Variants in ZDHHC14 observed in about 807,000 individuals in gnomAD.
The protein encoded by ZDHHC14 is zDHHC palmitoyltransferase 14.
Under a neutral mutation model 47.7 loss-of-function variants are expected in ZDHHC14, and 16 were observed. The observed-to-expected ratio is 0.34, with a 90% CI of 0.23 to 0.51. The LOEUF is 0.51. ZDHHC14 is among the 20% of genes least tolerant of loss of function. ZDHHC14 has a pLI of 0.97. For missense variants in ZDHHC14, 515 were observed against 662.5 expected (o/e 0.78, Z 2.44); for synonymous variants, 293 against 278.9 (o/e 1.05, Z -0.50).
At chr6:157,647,462 C>T (rs1243516360) in intron 7 of ZDHHC14, 94 bp downstream of exon 7, 6 of 867,536 alleles carry the variant, frequency 6.9e-6, no homozygotes, top group African/African-American at 1.7e-5. Flanking sequence ...TGGAATGGGT[C>T]GCCGCCACCA....
At chr6:157,545,081 G>A (rs1300005751) in intron 2 of ZDHHC14, among the ~76,000 whole-genome samples, 1 of 152,218 alleles carries the variant, frequency 6.6e-6, no homozygotes, top group Non-Finnish European at 1.5e-5. Context: ...CATTTGCTAA[G>A]GGAAAGAAGC....
chr6:157,570,357 T>C (rs1783051298), intron 2 of ZDHHC14, among the ~76,000 whole-genome samples: 1 of 152,252 alleles, frequency 6.6e-6, no homozygotes. Flanking sequence ...AATTGATCTC[T>C]ATCACTGTAC....
intron 3 of ZDHHC14, among the ~76,000 whole-genome samples, chr6:157,627,783 T>C (rs1449854016): frequency 6.6e-6 from 1 of 152,218 alleles, no homozygotes; most frequent in Admixed American, 6.5e-5. Flanking sequence ...GGTAACACCA[T>C]CGTTTTCTTC....
chr6:157,491,412 C>T (rs1235360777), intron 1 of ZDHHC14, among the ~76,000 whole-genome samples: 15 of 152,064 alleles, frequency 9.9e-5, no homozygotes, highest in Admixed American at 6.5e-4. Context: ...CACTGCTTTG[C>T]GTATAGTGGG....
chr6:157,642,249 C>G (rs991583101), intron 5 of ZDHHC14, among the ~76,000 whole-genome samples: 4 of 152,160 alleles, frequency 2.6e-5, no homozygotes, highest in African/African-American at 7.2e-5. Flanking sequence ...CAAATACTGA[C>G]GCATCCTAAC....
intron 2 of ZDHHC14, among the ~76,000 whole-genome samples, chr6:157,580,736 T>TGTGTG (rs372683275): frequency 0.085 from 11,722 of 138,128 alleles, 494 homozygotes; most frequent in African/African-American, 0.11. Context: ...GTGTGTGTGT[T>TGTGTG]TTTTTCTTTG....
chr6:157,417,505 G>A (rs1778007290), intron 1 of ZDHHC14, among the ~76,000 whole-genome samples: 1 of 152,160 alleles, frequency 6.6e-6, no homozygotes, highest in Non-Finnish European at 1.5e-5. Flanking sequence ...CAGCCAGGAT[G>A]GACTTTTGGG....
intron 1 of ZDHHC14, among the ~76,000 whole-genome samples, chr6:157,446,279 C>G (rs1220398807): frequency 1.3e-5 from 2 of 152,176 alleles, no homozygotes; most frequent in African/African-American, 4.8e-5. Flanking sequence ...GCCATTTGCC[C>G]CTCTCGAGCC....
At chr6:157,569,362 T>C (rs1306754056) in intron 2 of ZDHHC14, among the ~76,000 whole-genome samples, 3 of 152,054 alleles carry the variant, frequency 2.0e-5, no homozygotes, top group Non-Finnish European at 2.9e-5. Flanking sequence ...TTTTGTTTAT[T>C]TGTAATAAAT....
At chr6:157,509,281 C>T (rs373961866) in intron 1 of ZDHHC14, among the ~76,000 whole-genome samples, 8 of 152,314 alleles carry the variant, frequency 5.3e-5, no homozygotes, top group African/African-American at 1.7e-4. Context: ...ACCTTAGGAG[C>T]ATCTGCAGAG....
chr6:157,645,063 T>C (rs139959198), intron 5 of ZDHHC14, among the ~76,000 whole-genome samples: 4,751 of 152,166 alleles, frequency 0.031, 255 homozygotes, highest in African/African-American at 0.11. Context: ...GATGGCCTTA[T>C]AGGTCAGGGG....
chr6:157,450,470 G>C (rs1472135550), intron 1 of ZDHHC14, among the ~76,000 whole-genome samples: 1 of 149,298 alleles, frequency 6.7e-6, no homozygotes, highest in Non-Finnish European at 1.5e-5. Context: ...AGCCGAGATC[G>C]CGCCACTGCA....
At chr6:157,560,174 T>C (rs1263127196) in intron 2 of ZDHHC14, among the ~76,000 whole-genome samples, 1 of 151,974 alleles carries the variant, frequency 6.6e-6, no homozygotes, top group Non-Finnish European at 1.5e-5. Context: ...GATTCTGGAG[T>C]GAATTTTTGC....
chr6:157,458,496 T>C (rs1187751481), intron 1 of ZDHHC14, among the ~76,000 whole-genome samples: 1 of 152,228 alleles, frequency 6.6e-6, no homozygotes, highest in Admixed American at 6.5e-5. Flanking sequence ...TTTTTCCCTC[T>C]TGAAAATGTC....
intron 1 of ZDHHC14, among the ~76,000 whole-genome samples, chr6:157,507,505 C>T (rs760244018): frequency 6.6e-6 from 1 of 152,180 alleles, no homozygotes; most frequent in African/African-American, 2.4e-5. Flanking sequence ...TGGTCTCCAA[C>T]TCCTGACCTC....
intron 1 of ZDHHC14, among the ~76,000 whole-genome samples, chr6:157,477,149 G>T (rs960230609): frequency 4.6e-5 from 7 of 152,190 alleles, no homozygotes; most frequent in Non-Finnish European, 1.0e-4. Flanking sequence ...GGTAGGCTGA[G>T]GGGGGTGGTC....
At chr6:157,398,767 A>AT (rs1432877454) in intron 1 of ZDHHC14, among the ~76,000 whole-genome samples, 3 of 152,008 alleles carry the variant, frequency 2.0e-5, no homozygotes, top group South Asian at 2.1e-4. Context: ...CTTATTTTCC[A>AT]TTTTTTGCTT....
At position 157,582,881 on chromosome 6, in the gene ZDHHC14, G is replaced by T. The variant is rs534145978; in HGVS notation, c.407-10107G>T. On this transcript the variant is annotated intron_variant, in intron 2 of 8. Transcript: ENST00000359775. This position sits in a 1 kb window ranked among gnomAD's most constrained non-coding sequence, Gnocchi z 4.3. ...AGGAACACCAATGAGTCGCTGATTT[G>T]GTCTCTTTACATAAGCCCATATTTC... Among the ~76,000 whole-genome samples, 4 of 151,564 alleles carry T rather than the reference G, an allele frequency of 2.6e-5. No individual in the cohort carries two copies. Among genetic ancestry groups the T allele is most frequent in the Non-Finnish European group, 4.4e-5 (3 of 67,940 alleles).
chr6:157,553,025 A>G (rs34328833), intron 2 of ZDHHC14, among the ~76,000 whole-genome samples: 2,721 of 152,342 alleles, frequency 0.018, 75 homozygotes, highest in African/African-American at 0.061. Flanking sequence ...GGTTTGCAGT[A>G]GGGAAGAGGC....
Sources: allele counts gnomAD v4.1 joint callset (sites outside exome capture counted in the v4.1 genomes callset), GRCh38; gene constraint gnomAD v4.1.1; non-coding constraint Gnocchi (gnomAD v3.1); transcripts MANE v1.5; gene names NCBI Gene and HGNC (gene_info 2026-07-23, HGNC 2026-07-21).